Variants in DYNC1I2 observed in about 807,000 individuals in gnomAD.
DYNC1I2 encodes the protein dynein cytoplasmic 1 intermediate chain 2, also known as cytoplasmic dynein 1 intermediate chain 2.
In DYNC1I2, 53 loss-of-function variants were observed where a neutral mutation model predicts 88.6. The ratio of observed to expected loss-of-function variants is 0.60; its 90% CI spans 0.48 to 0.75. The LOEUF (loss-of-function observed/expected upper bound fraction) is 0.75, where lower values mean the gene tolerates loss of function less well. DYNC1I2 is among the 30% of genes least tolerant of loss of function. DYNC1I2 has a pLI of 0.00. For missense variants in DYNC1I2, 458 were observed against 766.6 expected (o/e 0.60, Z 4.75); for synonymous variants, 198 against 254.6 (o/e 0.78, Z 2.12).
chr2:171,724,194 C>T (rs1247271898), intron 7 of DYNC1I2, among the ~76,000 whole-genome samples: 1 of 152,146 alleles, frequency 6.6e-6, no homozygotes, highest in Admixed American at 6.5e-5. Context: ...TCATTGTGTG[C>T]ATTATACAGT....
Position 171,692,814 on chromosome 2 carries a change from A to G in DYNC1I2, c.146A>G (p.Glu49Gly). ...QKKEAVAPVQ[E>G]ESDLEKKRRE... ...AAGGAAGCTGTTGCTCCTGTGCAAG[A>G]AGAATCAGATCTTGAAAAAAAAAGG... Residue 49 changes from glutamate (E) to glycine (G), a missense_variant, in exon 3 of 18, where the codon GAA (glutamate) becomes GGA (glycine). This residue lies in a region of DYNC1I2 where 55 missense variants were observed against 57.1 expected (regional missense o/e 0.96). Transcript: ENST00000397119. 1 of 1,609,126 alleles carries G rather than the reference A, an allele frequency of 6.2e-7. No homozygotes were observed. The highest frequency in any genetic ancestry group is 8.5e-7 in the Non-Finnish European group (1 of 1,177,784).
At chr2:171,699,118 C>A (rs1172470777) in intron 3 of DYNC1I2, among the ~76,000 whole-genome samples, 2 of 152,112 alleles carry the variant, frequency 1.3e-5, no homozygotes, top group Admixed American at 6.5e-5. Context: ...ACCAGCCTGG[C>A]CAAAATGGTG....
At chr2:171,688,245 TGTGTG>T (rs1685116544) in intron 1 of DYNC1I2, 1 of 152,164 alleles carries the variant, frequency 6.6e-6, no homozygotes, top group Non-Finnish European at 1.5e-5. Context: ...CCTCACCTTA[TGTGTG>T]ATGGAAAGCC....
intron 16 of DYNC1I2, among the ~76,000 whole-genome samples, chr2:171,744,833 T>A (rs978865164): frequency 6.6e-6 from 1 of 152,204 alleles, no homozygotes; most frequent in African/African-American, 2.4e-5. Flanking sequence ...TTCTTAGAAT[T>A]CTATTCTATA....
intron 7 of DYNC1I2, among the ~76,000 whole-genome samples, chr2:171,720,858 C>G (rs975218337): frequency 1.3e-5 from 2 of 152,094 alleles, no homozygotes; most frequent in African/African-American, 4.8e-5. Context: ...AGCATTTGTT[C>G]TTAATCTTGA....
chr2:171,740,218 T>A (rs1689327118), intron 15 of DYNC1I2, among the ~76,000 whole-genome samples: 1 of 152,226 alleles, frequency 6.6e-6, no homozygotes, highest in African/African-American at 2.4e-5. Context: ...ATGAGACGTT[T>A]ACCCTCATAA....
chr2:171,700,754 C>T (rs1686192365), intron 3 of DYNC1I2, among the ~76,000 whole-genome samples: 1 of 152,138 alleles, frequency 6.6e-6, no homozygotes, highest in South Asian at 2.1e-4. Flanking sequence ...GCCTCAGCAT[C>T]CAAAGTAGCT....
chr2:171,688,048 C>T (rs1052544449), intron 1 of DYNC1I2: 2 of 152,256 alleles, frequency 1.3e-5, no homozygotes, highest in South Asian at 2.1e-4. Flanking sequence ...CCACTCCTTT[C>T]CCTTCTCGAC....
intron 3 of DYNC1I2, among the ~76,000 whole-genome samples, chr2:171,705,817 C>T (rs1349650535): frequency 6.6e-6 from 1 of 152,042 alleles, no homozygotes; most frequent in East Asian, 1.9e-4. Context: ...TTGTTTCTGA[C>T]ACATTTAATC....
intron 7 of DYNC1I2, among the ~76,000 whole-genome samples, chr2:171,718,955 A>G (rs775299988): frequency 6.6e-6 from 1 of 152,154 alleles, no homozygotes; most frequent in Non-Finnish European, 1.5e-5. Context: ...ACCAAATATG[A>G]CTGATTCTAC....
chr2:171,720,385 A>G (rs1024324174), intron 7 of DYNC1I2, among the ~76,000 whole-genome samples: 1 of 152,196 alleles, frequency 6.6e-6, no homozygotes, highest in Non-Finnish European at 1.5e-5. Flanking sequence ...CACTTATTGC[A>G]TGATCTTAAC....
At chr2:171,726,655 C>A (rs1688276367) in intron 10 of DYNC1I2, 136 bp from the exon 11 acceptor site, 3 of 966,780 alleles carry the variant, frequency 3.1e-6, no homozygotes. Context: ...AGGCATAATG[C>A]TAGAGATGTC....
Position 171,706,597 on chromosome 2 carries a change from A to T in DYNC1I2, c.244+33A>T, listed in dbSNP as rs190193485. ...AGTTCCCATAAGTCTTGCCTTGTTT[A>T]TTTGCATGCATCACTTTATGTTATG... On this transcript the variant is annotated intron_variant, in intron 4 of 17. Coordinates refer to ENST00000397119, the MANE Select transcript of DYNC1I2 (RefSeq NM_001378.3). The T allele has an allele frequency of 3.0e-3, 4,815 of 1,597,086 alleles. 14 individuals carry two copies. Among genetic ancestry groups the T allele is most frequent in the Non-Finnish European group, 3.8e-3 (4,449 of 1,165,774 alleles).
intron 3 of DYNC1I2, among the ~76,000 whole-genome samples, chr2:171,695,493 G>A (rs975455969): frequency 5.3e-5 from 8 of 151,964 alleles, no homozygotes; most frequent in Non-Finnish European, 8.8e-5. Flanking sequence ...TATATAAATG[G>A]CATAGTGCTG....
intron 3 of DYNC1I2, among the ~76,000 whole-genome samples, chr2:171,698,511 G>C (rs1685955337): frequency 6.6e-6 from 1 of 151,820 alleles, no homozygotes; most frequent in Non-Finnish European, 1.5e-5. Context: ...CAACCACCCG[G>C]GTAGCTGGGA....
intron 3 of DYNC1I2, among the ~76,000 whole-genome samples, chr2:171,706,309 T>C (rs1452650756): frequency 6.6e-6 from 1 of 152,134 alleles, no homozygotes; most frequent in Non-Finnish European, 1.5e-5. Flanking sequence ...TATGATAAAA[T>C]TTAACCAGAA....
At chr2:171,724,511 G>A (rs1264156331) in intron 7 of DYNC1I2, among the ~76,000 whole-genome samples, 1 of 152,196 alleles carries the variant, frequency 6.6e-6, no homozygotes, top group East Asian at 1.9e-4. Context: ...CCATCTGGTT[G>A]TTGCTGTCTA....
intron 15 of DYNC1I2, among the ~76,000 whole-genome samples, chr2:171,741,538 T>C (rs1382155633): frequency 6.6e-6 from 1 of 152,232 alleles, no homozygotes; most frequent in Non-Finnish European, 1.5e-5. Flanking sequence ...CATCTTTTCA[T>C]GTACTTATAG....
At chr2:171,707,550 G>GT (rs541703559) in intron 5 of DYNC1I2, among the ~76,000 whole-genome samples, 173 bp downstream of exon 5, 14 of 150,592 alleles carry the variant, frequency 9.3e-5, no homozygotes, top group South Asian at 6.3e-4. Flanking sequence ...AGGTTTCTTT[G>GT]TTTTTTTTTA....
Sources: allele counts gnomAD v4.1 joint callset (sites outside exome capture counted in the v4.1 genomes callset), GRCh38; gene constraint gnomAD v4.1.1; regional missense constraint gnomAD v4.1.1; transcripts MANE v1.5; gene names NCBI Gene and HGNC (gene_info 2026-07-23, HGNC 2026-07-21).